Variants in CCDC112 observed in about 807,000 individuals in gnomAD.
The protein encoded by CCDC112 is coiled-coil domain containing 112, also known as coiled-coil domain-containing protein 112.
Under a neutral mutation model 66.3 loss-of-function variants are expected in CCDC112, and 40 were observed. That is an observed-to-expected ratio of 0.60 (90% CI 0.47 to 0.79). CCDC112 has a LOEUF of 0.79. CCDC112 is among the 30% of genes least tolerant of loss of function. The pLI is 0.00. For synonymous variants in CCDC112, 214 were observed against 197.2 expected, an observed-to-expected ratio of 1.09 and a Z score of -0.71; for missense variants, 659 against 603.8, an observed-to-expected ratio of 1.09 and a Z score of -0.96.
intron 1 of CCDC112, among the ~76,000 whole-genome samples, chr5:115,294,456 A>T (rs1000376464): frequency 6.6e-6 from 1 of 152,244 alleles, no homozygotes; most frequent in African/African-American, 2.4e-5. Context: ...ACAGGCCAGG[A>T]AAAGAGGCCT....
intron 7 of CCDC112, 120 bp from the exon 8 acceptor site, chr5:115,269,918 T>C: frequency 1.7e-6 from 1 of 601,632 alleles, no homozygotes; most frequent in Non-Finnish European, 2.8e-6. Flanking sequence ...ATATTAATTC[T>C]TTCCAACAAA....
At chr5:115,276,635 GTT>G (rs57226209) in intron 4 of CCDC112, among the ~76,000 whole-genome samples, 136,434 of 152,048 alleles carry the variant, frequency 0.9, 61,422 homozygotes, top group African/African-American at 0.97. Context: ...TTAATTAGCT[GTT>G]TTTTTAAACC....
At position 115,275,304 on chromosome 5, in the gene CCDC112, T is replaced by C. The variant is rs781344400; in HGVS notation, c.830A>G (p.Glu277Gly). 2 of 1,614,112 alleles carry C rather than the reference T, an allele frequency of 1.2e-6. No individual in the cohort carries two copies. Among genetic ancestry groups the C allele is most frequent in the South Asian group, 2.2e-5 (2 of 91,082 alleles). ...GKPTFMEEVL[E>G]HLPGKTQDEV... ...ATCTTGTGTTTTTCCAGGAAGGTGT[T>C]CTAGAACTTCTTCCATAAATGTTGG... The change falls in exon 6 of 10, where the codon GAA becomes GGA. Residue 277 changes from glutamate (E) to glycine (G), a missense_variant. Glu to Gly is a moderately conservative substitution (Grantham distance 98). Transcript: ENST00000379611.
At chr5:115,290,972 C>T (rs977812640) in intron 1 of CCDC112, among the ~76,000 whole-genome samples, 2 of 152,016 alleles carry the variant, frequency 1.3e-5, no homozygotes, top group Admixed American at 1.3e-4. Flanking sequence ...AATACGAATG[C>T]TTTTTATTTG....
chr5:115,291,847 C>T (rs1368810352), intron 1 of CCDC112, among the ~76,000 whole-genome samples: 2 of 152,096 alleles, frequency 1.3e-5, no homozygotes, highest in Non-Finnish European at 2.9e-5. Flanking sequence ...TCCATGGTTT[C>T]TGATGTGAAA....
rs775620114 is a variant in CCDC112 at position 115,269,821 on chromosome 5, A to G, written c.1333-23T>C. ...ATCCTTAAAAAAAAAAACCCATAGC[A>G]TTAAGAAAGCATGTGAACTAGAATT... On this transcript the variant is annotated intron_variant, in intron 7 of 9. Coordinates refer to ENST00000379611, the MANE Select transcript of CCDC112 (RefSeq NM_001040440.3). The G allele has an allele frequency of 2.3e-5, 33 of 1,415,914 alleles. No individual in the cohort carries two copies. In the South Asian group the frequency reaches 3.5e-4, roughly 15 times the overall value. 87.7% of individuals were successfully genotyped at this position (1,415,914 alleles called of 1,614,324 possible).
Position 115,267,723 on chromosome 5 carries a change from G to T in CCDC112, c.*153C>A. On this transcript the variant is annotated 3_prime_UTR_variant, in exon 10 of 10. Transcript: ENST00000379611. ...TAGAAGCAGGAATACTAATGACAAA[G>T]CCTCATGAAACTTAATACCTCTCAA... 1.5e-6 allele frequency: 1 copy of T among 672,384 alleles called. No individual in the cohort carries two copies. Among genetic ancestry groups the T allele is most frequent in the Non-Finnish European group, 2.7e-6 (1 of 376,778 alleles). 41.7% of individuals were successfully genotyped at this position (672,384 alleles called of 1,614,324 possible).
At chr5:115,296,101 CA>C in intron 1 of CCDC112, 1 of 1,054,962 alleles carries the variant, frequency 9.5e-7, no homozygotes, top group Non-Finnish European at 1.1e-6. Flanking sequence ...AACGTTAGTC[CA>C]AAGCTCGGGA....
chr5:115,269,528 T>A (rs1748910451), intron 8 of CCDC112, 175 bp downstream of exon 8: 1 of 533,762 alleles, frequency 1.9e-6, no homozygotes, highest in Non-Finnish European at 3.3e-6. Context: ...AGAATTCAAA[T>A]AATGGTTGCT....
chr5:115,294,336 C>T (rs962920789), intron 1 of CCDC112, among the ~76,000 whole-genome samples: 1 of 152,014 alleles, frequency 6.6e-6, no homozygotes, highest in African/African-American at 2.4e-5. Context: ...AGGTGGGGAC[C>T]TAATTTGATA....
intron 1 of CCDC112, among the ~76,000 whole-genome samples, chr5:115,286,462 A>T (rs1299286515): frequency 6.6e-6 from 1 of 152,140 alleles, no homozygotes; most frequent in Non-Finnish European, 1.5e-5. Flanking sequence ...GCTGATGGAC[A>T]ATTGGGGTGT....
At chr5:115,269,660 G>GATAATAATCCTTACAAATCA in intron 8 of CCDC112, 43 bp downstream of exon 8, 1 of 1,326,122 alleles carries the variant, frequency 7.5e-7, no homozygotes, top group Non-Finnish European at 1.1e-6. Context: ...ACAAATCAAG[G>GATAATAATCCTTACAAATCA]AATTAGGATA....
rs1580807562 is a variant in CCDC112 at position 115,287,485 on chromosome 5, A to AGTT, written c.118-2580_118-2578dup. On this transcript the variant is annotated intron_variant, in intron 1 of 9. Coordinates refer to ENST00000379611, the MANE Select transcript of CCDC112 (RefSeq NM_001040440.3). ...AAAAGACCAGACAAAATAAAAATGG[A>AGTT]GTTACTCATGCTAAGTGCCACATGA... is the stretch of plus-strand genomic sequence containing the variant. 2.0e-5 allele frequency among the ~76,000 whole-genome samples: 3 copies of AGTT among 152,278 alleles called. No homozygotes were observed. The East Asian group carries it at 5.8e-4, about 29-fold the overall frequency.
chr5:115,289,082 G>A lies in CCDC112; in HGVS notation c.118-4174C>T, dbSNP rs550379932. ...TTCATCAAAGGCAGGACCCTCTTTG[G>A]TTTTAGTTTCTTTGTTTTCTGCAGA... On this transcript the variant is annotated intron_variant, in intron 1 of 9. Transcript: ENST00000379611. The A allele has an allele frequency of 2.2e-4, 55 of 248,302 alleles. 1 individual carries two copies. The Middle Eastern group carries it at 4.5e-3, about 20-fold the overall frequency. 15.4% of individuals were successfully genotyped at this position (248,302 alleles called of 1,614,324 possible). A position where few individuals can be genotyped will look rare whatever the true frequency, so the allele number is the denominator to read the frequency against.
intron 6 of CCDC112, among the ~76,000 whole-genome samples, chr5:115,273,124 GGTGTTAA>G (rs796311254): frequency 1.3e-5 from 2 of 152,236 alleles, no homozygotes; most frequent in African/African-American, 4.8e-5. Flanking sequence ...TCATATAAAA[GGTGTTAA>G]GTGTCAGTGA....
chr5:115,279,799 T>C, intron 2 of CCDC112, 31 bp from the exon 3 acceptor site: 2 of 1,147,110 alleles, frequency 1.7e-6, no homozygotes, highest in South Asian at 2.9e-5. Context: ...AGTATAAATA[T>C]GATCTAAATA....
intron 4 of CCDC112, 124 bp from the exon 5 acceptor site, chr5:115,276,193 A>C (rs951126647): frequency 9.0e-6 from 6 of 669,606 alleles, no homozygotes; most frequent in Non-Finnish European, 1.5e-5. Flanking sequence ...AGGCATAAGA[A>C]AGTTGTGCTC....
intron 6 of CCDC112, among the ~76,000 whole-genome samples, 197 bp from the exon 7 acceptor site, chr5:115,271,823 C>T (rs1749013239): frequency 6.6e-6 from 1 of 151,652 alleles, no homozygotes; most frequent in Non-Finnish European, 1.5e-5. Context: ...TCTCTTAAAA[C>T]TCTGAATAAT....
In CCDC112 at chr5:115,296,636, C is replaced by A. The variant is rs1048427225; in HGVS notation, c.-93G>T. 1.7e-6 allele frequency: 2 copies of A among 1,186,130 alleles called. No individual in the cohort carries two copies. Among genetic ancestry groups the A allele is most frequent in the Non-Finnish European group, 1.1e-6 (1 of 944,644 alleles). 73.5% of individuals were successfully genotyped at this position (1,186,130 alleles called of 1,614,324 possible). On this transcript the variant is annotated 5_prime_UTR_variant, in exon 1 of 10. Transcript: ENST00000379611. ...TGGCCTCTGCAGACAGCTCCCTGCGCTGCGGGCTTGGCCGGGATGCAGGGC... is the reference window on the plus strand; with the variant it reads ...TGGCCTCTGCAGACAGCTCCCTGCGATGCGGGCTTGGCCGGGATGCAGGGC...
Sources: gnomAD v4.1 joint callset for allele counts (sites outside exome capture counted in the v4.1 genomes callset) on GRCh38, gnomAD v4.1.1 for gene constraint, MANE v1.5 for transcripts, NCBI Gene and HGNC (gene_info 2026-07-23, HGNC 2026-07-21) for gene names.